Variants in LRBA observed in about 807,000 individuals in gnomAD.
The protein encoded by LRBA is LPS responsive beige-like anchor protein.
LRBA carries 176 observed loss-of-function variants against 330.0 expected under a neutral mutation model. The observed-to-expected ratio is 0.53, with a 90% CI of 0.47 to 0.60. The LOEUF (loss-of-function observed/expected upper bound fraction) is 0.60, where lower values mean the gene tolerates loss of function less well. LRBA is among the 20% of genes least tolerant of loss of function. LRBA has a pLI of 0.00. For missense variants in LRBA, 3,259 were observed against 3,444.8 expected, an observed-to-expected ratio of 0.95 and a Z score of 1.35; for synonymous variants, 1,230 against 1,193.0, an observed-to-expected ratio of 1.03 and a Z score of -0.64.
Position 150,285,997 on chromosome 4 carries a change from A to G in LRBA, c.8055T>C (p.His2685=), listed in dbSNP as rs201779085. 3 of 1,593,362 alleles carry G rather than the reference A, an allele frequency of 1.9e-6. No individual in the cohort carries two copies. The highest frequency in any genetic ancestry group is 4.5e-5 in the East Asian group (2 of 43,972). Residue 2685 remains histidine, a synonymous_variant, in exon 54 of 57, where the codon CAT becomes CAC. Transcript: ENST00000651943. ...TAAPRAILTG[H]DYEVTCAAVC... Reference sequence around the variant, plus strand: ...CCGCAGCACATGTGACCTCATAGTCATGGCCGGTCAAAATGGCCCGAGGAG... The same window carrying G: ...CCGCAGCACATGTGACCTCATAGTCGTGGCCGGTCAAAATGGCCCGAGGAG...
rs193184120 is a variant in LRBA, at chr4:150,744,758, A to C, written c.5646-9392T>G. The stretch of plus-strand genomic sequence containing the variant: ...GTGGACACACCCTAATGTGACCTCC[A>C]GTGAGTCGTGGCTTTAAATGATCCC... On this transcript the variant is annotated intron_variant, in intron 35 of 56. Coordinates refer to ENST00000651943, the MANE Select transcript of LRBA (RefSeq NM_001364905.1). Among the ~76,000 whole-genome samples, 445 of 152,346 alleles carry C rather than the reference A, an allele frequency of 2.9e-3. 1 individual carries two copies. The highest frequency in any genetic ancestry group is 9.8e-3 in the African/African-American group (407 of 41,578).
intron 36 of LRBA, among the ~76,000 whole-genome samples, chr4:150,699,750 G>A (rs1784947600): frequency 6.6e-6 from 1 of 152,158 alleles, no homozygotes; most frequent in Admixed American, 6.5e-5. Flanking sequence ...ACATGGTTTA[G>A]TGAATGACAA....
intron 37 of LRBA, among the ~76,000 whole-genome samples, chr4:150,660,496 C>CA (rs1243368126): frequency 1.3e-5 from 2 of 151,364 alleles, no homozygotes; most frequent in African/African-American, 4.8e-5. Context: ...GTCAGCCCCC[C>CA]CCGCCCGGCC....
intron 26 of LRBA, among the ~76,000 whole-genome samples, chr4:150,846,579 G>A (rs72961862): frequency 0.033 from 5,050 of 151,806 alleles, 244 homozygotes; most frequent in African/African-American, 0.11. Flanking sequence ...GAAGGATGAG[G>A]GGGTGAGGGG....
At chr4:150,323,022 TG>T (rs1561012591) in intron 49 of LRBA, among the ~76,000 whole-genome samples, 5,249 of 143,276 alleles carry the variant, frequency 0.037, 312 homozygotes, top group African/African-American at 0.13. Flanking sequence ...TGTGTGTGTG[TG>T]TGGGGATGCA....
intron 40 of LRBA, among the ~76,000 whole-genome samples, chr4:150,511,490 G>C (rs1453400731): frequency 6.6e-6 from 1 of 152,108 alleles, no homozygotes. Flanking sequence ...ATCACGCCAT[G>C]CTGCTTCATG....
intron 48 of LRBA, among the ~76,000 whole-genome samples, chr4:150,348,822 G>T (rs1736755681): frequency 6.6e-6 from 1 of 152,132 alleles, no homozygotes. Flanking sequence ...AAACTATGCA[G>T]TGTTTTGTAA....
chr4:150,668,905 G>A (rs1041539425), intron 37 of LRBA, among the ~76,000 whole-genome samples: 3 of 152,060 alleles, frequency 2.0e-5, no homozygotes, highest in African/African-American at 7.2e-5. Flanking sequence ...TGTATTAGAG[G>A]GGAAGTGTCA....
intron 35 of LRBA, among the ~76,000 whole-genome samples, 155 bp from the exon 36 acceptor site, chr4:150,735,521 A>C (rs574908188): frequency 6.6e-6 from 1 of 152,352 alleles, no homozygotes; most frequent in Admixed American, 6.5e-5. Flanking sequence ...TAATTGAGGA[A>C]TGTAACAACA....
Position 150,508,231 on chromosome 4 carries a change from TA to T in LRBA, c.6331-17197del, listed in dbSNP as rs201274775. 3.1e-3 allele frequency among the ~76,000 whole-genome samples: 135 copies of T among 43,040 alleles called. 1 individual carries two copies. The highest frequency in any genetic ancestry group is 0.03 in the South Asian group (36 of 1,196). 28.2% of individuals were successfully genotyped at this position (43,040 alleles called of 152,430 possible). A position where few individuals can be genotyped will look rare whatever the true frequency, so the allele number is the denominator to read the frequency against. ...CCCTAAAACTTAAAATAATAAAATTTAAAAAAAAAGGGGGGGGGGGGGAGAA... is the reference window on the plus strand; with the variant it reads ...CCCTAAAACTTAAAATAATAAAATTTAAAAAAAAGGGGGGGGGGGGGAGAA... On this transcript the variant is annotated intron_variant, in intron 40 of 56. Coordinates refer to ENST00000651943, the MANE Select transcript of LRBA (RefSeq NM_001364905.1).
chr4:150,416,078 T>C (rs917786238), intron 46 of LRBA, among the ~76,000 whole-genome samples: 15 of 152,132 alleles, frequency 9.9e-5, no homozygotes, highest in African/African-American at 3.6e-4. Flanking sequence ...TACCTTTTCC[T>C]CACATTTCAA....
intron 5 of LRBA, among the ~76,000 whole-genome samples, chr4:150,917,213 CA>C (rs1169948149): frequency 6.6e-6 from 1 of 151,620 alleles, no homozygotes; most frequent in Non-Finnish European, 1.5e-5. Flanking sequence ...GACTCTTTAT[CA>C]GGAAGAAGAC....
intron 36 of LRBA, among the ~76,000 whole-genome samples, chr4:150,692,555 T>G (rs1784234366): frequency 6.6e-6 from 1 of 152,118 alleles, no homozygotes; most frequent in South Asian, 2.1e-4. Context: ...AAGGTATAGA[T>G]GGAGGAAGCA....
intron 40 of LRBA, among the ~76,000 whole-genome samples, chr4:150,519,167 G>A (rs1181224245): frequency 1.3e-5 from 2 of 152,034 alleles, no homozygotes; most frequent in Non-Finnish European, 2.9e-5. Context: ...ATTAAAATAA[G>A]AGAAAACCTT....
intron 40 of LRBA, among the ~76,000 whole-genome samples, chr4:150,555,816 T>C (rs559232391): frequency 6.7e-6 from 1 of 149,540 alleles, no homozygotes; most frequent in African/African-American, 2.5e-5. Flanking sequence ...ATATTCTCTT[T>C]TTTTGAGACA....
At chr4:150,792,502 G>C (rs1050810546) in intron 34 of LRBA, among the ~76,000 whole-genome samples, 1 of 151,894 alleles carries the variant, frequency 6.6e-6, no homozygotes, top group Non-Finnish European at 1.5e-5. Context: ...TAAAGTTGAC[G>C]TTTTTTATTT....
chr4:150,455,289 C>T (rs1456760805), intron 44 of LRBA, among the ~76,000 whole-genome samples: 1 of 151,956 alleles, frequency 6.6e-6, no homozygotes. Context: ...TGGGTATATA[C>T]CCAAATGACT....
At chr4:150,396,097 C>T (rs1744692065) in intron 47 of LRBA, among the ~76,000 whole-genome samples, 1 of 152,068 alleles carries the variant, frequency 6.6e-6, no homozygotes, top group Non-Finnish European at 1.5e-5. Context: ...AATCAGCACA[C>T]TAAACAAAGA....
At chr4:150,793,460 G>A (rs1740291841) in intron 34 of LRBA, among the ~76,000 whole-genome samples, 2 of 152,308 alleles carry the variant, frequency 1.3e-5, no homozygotes, top group African/African-American at 2.4e-5. Context: ...GGAAAGTATG[G>A]AGGTATTTCC....
Sources: allele counts gnomAD v4.1 joint callset (sites outside exome capture counted in the v4.1 genomes callset), GRCh38; gene constraint gnomAD v4.1.1; transcripts MANE v1.5; gene names NCBI Gene and HGNC (gene_info 2026-07-23, HGNC 2026-07-21).